The following PIK3CA variants were observed in gnomAD, a reference collection of about 807,000 sequenced individuals.
The protein encoded by PIK3CA is phosphatidylinositol 4,5-bisphosphate 3-kinase catalytic subunit alpha isoform.
Under a neutral mutation model 138.2 loss-of-function variants are expected in PIK3CA, and 27 were observed. The observed-to-expected ratio is 0.20, with a 90% CI of 0.14 to 0.27. The LOEUF is 0.27. Ranked by LOEUF, PIK3CA falls within the 10% of genes least tolerant of loss-of-function variation. The pLI is 1.00. For synonymous variants in PIK3CA, 358 were observed against 413.2 expected (o/e 0.87, Z 1.62); for missense variants, 544 against 1,277.4 (o/e 0.43, Z 8.75).
chr3:179,148,170 A>AG (rs145529934), upstream of PIK3CA: 13,575 of 112,026 alleles, frequency 0.12, 972 homozygotes, highest in African/African-American at 0.24. Context: ...CTGCCGGAGG[A>AG]GGGGGGGGGC....
chr3:179,202,481 C>T (rs1724441604), intron 4 of PIK3CA, among the ~76,000 whole-genome samples: 2 of 152,212 alleles, frequency 1.3e-5, no homozygotes. Context: ...CTTTCCTACT[C>T]TCTTTTTCTG....
intron 1 of PIK3CA, among the ~76,000 whole-genome samples, chr3:179,195,012 CAAA>C (rs11316257): frequency 3.1e-5 from 3 of 96,070 alleles, no homozygotes; most frequent in Non-Finnish European, 4.5e-5. Context: ...AGGTACTTCT[CAAA>C]AAAAAAAAAA....
chr3:179,223,948 G>C (rs1725023500), intron 14 of PIK3CA, 133 bp from the exon 15 acceptor site: 4 of 478,458 alleles, frequency 8.4e-6, no homozygotes, highest in Non-Finnish European at 1.5e-5. Context: ...CTCTTAATTA[G>C]AAAGCAGCAG....
chr3:179,179,646 A>G (rs1361100066), intron 1 of PIK3CA, among the ~76,000 whole-genome samples: 1 of 152,238 alleles, frequency 6.6e-6, no homozygotes, highest in Non-Finnish European at 1.5e-5. Flanking sequence ...AGTTCGTTGT[A>G]TGTTAACTAT....
chr3:179,210,672 T>C, intron 9 of PIK3CA, 107 bp downstream of exon 9: 1 of 1,068,634 alleles, frequency 9.4e-7, no homozygotes, highest in Non-Finnish European at 1.4e-6. Flanking sequence ...ATAGATACTA[T>C]GAACTCTAGG....
chr3:179,157,308 C>G (rs1723161944), intron 1 of PIK3CA, among the ~76,000 whole-genome samples: 1 of 152,012 alleles, frequency 6.6e-6, no homozygotes, highest in South Asian at 2.1e-4. Context: ...TATTTGTGTT[C>G]TTTTTTCTAA....
chr3:179,196,505 T>A (rs1339647395), intron 1 of PIK3CA, among the ~76,000 whole-genome samples: 2 of 152,240 alleles, frequency 1.3e-5, no homozygotes, highest in Non-Finnish European at 2.9e-5. Context: ...TATTTTAAAT[T>A]CTATAATTTC....
intron 14 of PIK3CA, among the ~76,000 whole-genome samples, chr3:179,222,825 T>C (rs1191016524): frequency 6.6e-6 from 1 of 152,206 alleles, no homozygotes; most frequent in Non-Finnish European, 1.5e-5. Context: ...ATTTGACATA[T>C]AATTTCTGAA....
chr3:179,190,059 C>CTG (rs1724088492), intron 1 of PIK3CA, among the ~76,000 whole-genome samples: 1 of 152,158 alleles, frequency 6.6e-6, no homozygotes, highest in Non-Finnish European at 1.5e-5. Flanking sequence ...TACTTGCTTC[C>CTG]TGTGCATCTC....
chr3:179,204,434 G>T lies in PIK3CA; in HGVS notation c.1060-69G>T, dbSNP rs3729676. On this transcript the variant is annotated intron_variant, in intron 5 of 20. Transcript: ENST00000263967. ...AAAAATTCCGTGGTTTTATATTTGA[G>T]TCTATCGAGTGTGTGCATATGTGTA... is the stretch of plus-strand genomic sequence containing the variant. 148,113 of 696,930 alleles carry T rather than the reference G, an allele frequency of 0.21. 17,936 individuals carry two copies. Among genetic ancestry groups the T allele is most frequent in the African/African-American group, 0.42 (23,855 of 56,264 alleles). 43.2% of individuals were successfully genotyped at this position (696,930 alleles called of 1,614,324 possible).
chr3:179,201,042 C>T (rs534672663), intron 3 of PIK3CA, among the ~76,000 whole-genome samples: 125 of 152,282 alleles, frequency 8.2e-4, no homozygotes, highest in African/African-American at 2.7e-3. Context: ...AGCTTGGTCT[C>T]AGGTACTTGT....
intron 1 of PIK3CA, among the ~76,000 whole-genome samples, chr3:179,165,193 C>T (rs1445914332): frequency 6.6e-6 from 1 of 152,120 alleles, no homozygotes; most frequent in East Asian, 1.9e-4. Context: ...ATTAACACTG[C>T]TTTCACACTG....
intron 7 of PIK3CA, 127 bp downstream of exon 7, chr3:179,209,827 A>C (rs1724661645): frequency 2.1e-6 from 1 of 468,564 alleles, no homozygotes. Flanking sequence ...CTATTTTTAA[A>C]ATTTTAATAA....
In PIK3CA at chr3:179,238,652, C is replaced by A. The variant is rs1725378728; in HGVS notation, c.*4288C>A. 4.4e-6 allele frequency: 1 copy of A among 225,354 alleles called. No homozygotes were observed. The highest frequency in any genetic ancestry group is 8.8e-6 in the Non-Finnish European group (1 of 113,176). The allele number at this position is 225,354 out of a possible 1,614,324, so 14.0% of individuals were successfully genotyped here. A position where few individuals can be genotyped will look rare whatever the true frequency, so the allele number is the denominator to read the frequency against. On this transcript the variant is annotated 3_prime_UTR_variant, in exon 21 of 21. Coordinates refer to ENST00000263967, the MANE Select transcript of PIK3CA (RefSeq NM_006218.4). The stretch of plus-strand genomic sequence containing the variant: ...CTTGGCTGAAGTTTAATCGTTGGTC[C>A]AGCCATTTGAAAAAGGCAATAGTTT...
rs370901039 is a variant in PIK3CA at position 179,218,269 on chromosome 3, A to T, written c.1599A>T (p.Ala533=). Residue 533 remains alanine, a synonymous_variant, in exon 10 of 21, where the codon GCA becomes GCT. Transcript: ENST00000263967. ...AAAATGACAAAGAACAGCTCAAAGC[A>T]ATTTCTACACGAGATCCTCTCTCTG... ...LRENDKEQLK[A]ISTRDPLSEI... is the part of the protein sequence containing the mutation. 3.7e-6 allele frequency: 6 copies of T among 1,611,372 alleles called. No individual in the cohort carries two copies. The African/African-American group carries it at 6.7e-5, about 18-fold the overall frequency.
chr3:179,190,496 A>G (rs1040340411), intron 1 of PIK3CA, among the ~76,000 whole-genome samples: 7 of 152,220 alleles, frequency 4.6e-5, no homozygotes, highest in Non-Finnish European at 1.0e-4. Context: ...GTAACTTTCA[A>G]CTGCAGTAAT....
At chr3:179,151,469 C>A (rs1228682099) in intron 1 of PIK3CA, among the ~76,000 whole-genome samples, 1 of 152,182 alleles carries the variant, frequency 6.6e-6, no homozygotes, top group Admixed American at 6.5e-5. Context: ...CAGTGGTTTT[C>A]AATCCTGGCT....
chr3:179,160,151 G>A (rs1162305934), intron 1 of PIK3CA, among the ~76,000 whole-genome samples: 3 of 152,044 alleles, frequency 2.0e-5, no homozygotes, highest in African/African-American at 7.3e-5. Flanking sequence ...AAGTAATTGC[G>A]CTACAATGTT....
chr3:179,160,804 A>G (rs564041450), intron 1 of PIK3CA, among the ~76,000 whole-genome samples: 1 of 150,336 alleles, frequency 6.7e-6, no homozygotes, highest in South Asian at 2.1e-4. Context: ...ATTTTTCAAG[A>G]AAAATGTCGA....
Sources: allele counts gnomAD v4.1 joint callset (sites outside exome capture counted in the v4.1 genomes callset), GRCh38; gene constraint gnomAD v4.1.1; transcripts MANE v1.5; gene names NCBI Gene and HGNC (gene_info 2026-07-23, HGNC 2026-07-21).